PSTPIP1: variants seen among roughly 807,000 people sequenced by gnomAD.
PSTPIP1 encodes the protein proline-serine-threonine phosphatase-interacting protein 1.
A neutral mutation model predicts 69.6 loss-of-function variants in PSTPIP1; 66 were observed. The ratio of observed to expected loss-of-function variants is 0.95; its 90% CI spans 0.78 to 1.16. The LOEUF (loss-of-function observed/expected upper bound fraction) is 1.16, where lower values mean the gene tolerates loss of function less well. Ranked by LOEUF, PSTPIP1 falls within the 50% of genes most tolerant of loss-of-function variation. The pLI is 0.00. For missense variants in PSTPIP1, 603 were observed against 557.4 expected (o/e 1.08, Z -0.82); for synonymous variants, 266 against 222.7 (o/e 1.19, Z -1.73).
chr15:77,031,310 G>A, intron 10 of PSTPIP1, 32 bp downstream of exon 10: 1 of 1,602,746 alleles, frequency 6.2e-7, no homozygotes, highest in Non-Finnish European at 8.5e-7. Flanking sequence ...GTGGGGTAAG[G>A]TAGGGCAGCC....
intron 1 of PSTPIP1, among the ~76,000 whole-genome samples, chr15:76,997,828 A>G (rs539895526): frequency 2.9e-3 from 438 of 152,362 alleles, no homozygotes; most frequent in African/African-American, 0.01. Context: ...TACTCTGGCC[A>G]CAGGTGTTAT....
At chr15:77,036,060 C>A in intron 14 of PSTPIP1, 125 bp downstream of exon 14, 1 of 1,315,926 alleles carries the variant, frequency 7.6e-7, no homozygotes, top group Non-Finnish European at 1.0e-6. Flanking sequence ...GCATCCTCTC[C>A]TCCTCAGGAG....
chr15:77,037,318 G>GAACAGAACGCACTCCTTTA lies in PSTPIP1; in HGVS notation c.*142_*143insAACAGAACGCACTCCTTTA. 8.8e-7 allele frequency: 1 copy of GAACAGAACGCACTCCTTTA among 1,133,018 alleles called. No individual in the cohort carries two copies. Among genetic ancestry groups the GAACAGAACGCACTCCTTTA allele is most frequent in the Non-Finnish European group, 1.2e-6 (1 of 822,402 alleles). 70.2% of individuals were successfully genotyped at this position (1,133,018 alleles called of 1,614,324 possible). Reference sequence around the variant, plus strand: ...CTGTCGTCTCCCAGGGAATAAAGGAGTGCGTTCTGTTCTCCTTGGTGTGCT... The same window carrying GAACAGAACGCACTCCTTTA: ...CTGTCGTCTCCCAGGGAATAAAGGAGAACAGAACGCACTCCTTTATGCGTTCTGTTCTCCTTGGTGTGCT... On this transcript the variant is annotated 3_prime_UTR_variant, in exon 15 of 15. Transcript: ENST00000558012.
intron 1 of PSTPIP1, among the ~76,000 whole-genome samples, chr15:76,997,420 C>T (rs1489083416): frequency 6.6e-6 from 1 of 151,224 alleles, no homozygotes; most frequent in Non-Finnish European, 1.5e-5. Context: ...CTTCCTGATG[C>T]TCAGCCCATC....
At chr15:76,994,718 C>A, upstream of PSTPIP1, 2 of 1,277,130 alleles carry the variant, frequency 1.6e-6, no homozygotes, top group Non-Finnish European at 2.0e-6. Context: ...CAGAGCACAG[C>A]TGTGTCTGCT....
chr15:77,029,448 TGACA>T (rs896063814), intron 7 of PSTPIP1, 77 bp from the exon 8 acceptor site: 2 of 1,506,154 alleles, frequency 1.3e-6, no homozygotes, highest in African/African-American at 2.8e-5. Context: ...CGGGGAAGCT[TGACA>T]GTCACTTCAG....
chr15:77,037,003 G>C (rs1596145313), intron 14 of PSTPIP1, 42 bp from the exon 15 acceptor site: 1 of 1,598,828 alleles, frequency 6.3e-7, no homozygotes, highest in African/African-American at 1.4e-5. Flanking sequence ...GCCCTTCCCT[G>C]CAGGCCCTTC....
chr15:77,002,136 A>G (rs1439473399), intron 1 of PSTPIP1, among the ~76,000 whole-genome samples: 1 of 152,226 alleles, frequency 6.6e-6, no homozygotes, highest in Non-Finnish European at 1.5e-5. Context: ...TTCAGTCCAC[A>G]TGCCCCCAAA....
intron 3 of PSTPIP1, among the ~76,000 whole-genome samples, chr15:77,018,831 G>A (rs1208814553): frequency 6.6e-6 from 1 of 152,180 alleles, no homozygotes; most frequent in East Asian, 1.9e-4. Flanking sequence ...GTCCTGAGGG[G>A]CAGGTGACAG....
At position 77,037,121 on chromosome 15, in the gene PSTPIP1, T is replaced by C. The variant is rs1193580867; in HGVS notation, c.1196T>C (p.Val399Ala). The change falls in exon 15 of 15, where the codon GTG becomes GCG. Residue 399 changes from valine (V) to alanine (A), a missense_variant. Physicochemically the swap from Val to Ala is moderately conservative, Grantham distance 64. Transcript: ENST00000558012. ...ILEGEDGWWT[V>A]ERNGQRGFVP... The stretch of plus-strand genomic sequence containing the variant: ...GAAGGGGAGGATGGCTGGTGGACTG[T>C]GGAGAGGAACGGGCAGCGTGGCTTC... The C allele has an allele frequency of 1.9e-6, 3 of 1,612,268 alleles. No individual in the cohort carries two copies. The highest frequency in any genetic ancestry group is 2.2e-5 in the East Asian group (1 of 44,874).
At chr15:77,001,836 A>G (rs1195630450) in intron 1 of PSTPIP1, among the ~76,000 whole-genome samples, 1 of 152,200 alleles carries the variant, frequency 6.6e-6, no homozygotes, top group African/African-American at 2.4e-5. Flanking sequence ...CAGGGAGCTA[A>G]TTAAAGTGGT....
chr15:77,033,736 A>C (rs56274115), intron 12 of PSTPIP1, among the ~76,000 whole-genome samples: 3,010 of 152,260 alleles, frequency 0.02, 46 homozygotes, highest in Non-Finnish European at 0.03. Flanking sequence ...CCCAAGGACC[A>C]GCTCATTCCA....
chr15:76,996,782 G>A (rs2075590506), intron 1 of PSTPIP1, among the ~76,000 whole-genome samples: 2 of 152,252 alleles, frequency 1.3e-5, no homozygotes, highest in Admixed American at 1.3e-4. Context: ...CCAGCCCAGA[G>A]AAGCCAATGG....
upstream of PSTPIP1, chr15:76,994,920 T>A: frequency 7.9e-7 from 1 of 1,270,792 alleles, no homozygotes; most frequent in South Asian, 1.2e-5. Flanking sequence ...ACACCTGGGG[T>A]TCCTGGGCCC....
chr15:77,027,846 C>CT lies in PSTPIP1; in HGVS notation c.355-5dup. The CT allele has an allele frequency of 6.4e-7, 1 of 1,564,212 alleles. No individual in the cohort carries two copies. Among genetic ancestry groups the CT allele is most frequent in the Admixed American group, 1.9e-5 (1 of 52,710 alleles). On this transcript the variant is annotated splice_region_variant and splice_polypyrimidine_tract_variant and intron_variant, in intron 5 of 14. Coordinates refer to ENST00000558012, the MANE Select transcript of PSTPIP1 (RefSeq NM_003978.5). This position sits in a 1 kb window ranked among gnomAD's most constrained non-coding sequence, Gnocchi z 4.3. ...CCCTCGGCTCAGAACCTCGTGTCCC[C>CT]TGCAGTATGAGGCCGTCATGGACCG...
chr15:77,032,681 T>A, intron 11 of PSTPIP1, 181 bp from the exon 12 acceptor site: 1 of 635,104 alleles, frequency 1.6e-6, no homozygotes, highest in South Asian at 2.0e-5. Context: ...GGATCACGGG[T>A]CCAGAATATT....
intron 12 of PSTPIP1, among the ~76,000 whole-genome samples, chr15:77,034,093 G>T (rs2076493391): frequency 6.6e-6 from 1 of 152,170 alleles, no homozygotes; most frequent in Non-Finnish European, 1.5e-5. Context: ...TGCTGGAGGG[G>T]GCTGGTCAGG....
chr15:77,015,044 T>C (rs1246997875), intron 1 of PSTPIP1, among the ~76,000 whole-genome samples: 6 of 152,326 alleles, frequency 3.9e-5, no homozygotes, highest in African/African-American at 1.4e-4. Flanking sequence ...CCGTGACCAC[T>C]GGCTGTTCAT....
At position 77,027,959 on chromosome 15, in the gene PSTPIP1, C is replaced by T. The variant is rs1183770313; in HGVS notation, c.417+45C>T. ...GCCGCGGCCTTCCCTCGAGGAGCAG[C>T]GCAGGTCTCAGGGTGCGATCCTGGG... On this transcript the variant is annotated intron_variant, in intron 6 of 14. Transcript: ENST00000558012. This position sits in a 1 kb window ranked among gnomAD's most constrained non-coding sequence, Gnocchi z 4.3. The T allele has an allele frequency of 1.3e-6, 2 of 1,491,406 alleles. No individual in the cohort carries two copies. The highest frequency in any genetic ancestry group is 1.8e-6 in the Non-Finnish European group (2 of 1,094,060). 92.4% of individuals were successfully genotyped at this position (1,491,406 alleles called of 1,614,324 possible). A position where few individuals can be genotyped will look rare whatever the true frequency, so the allele number is the denominator to read the frequency against.
Sources: allele counts gnomAD v4.1 joint callset (sites outside exome capture counted in the v4.1 genomes callset), GRCh38; gene constraint gnomAD v4.1.1; non-coding constraint Gnocchi (gnomAD v3.1); transcripts MANE v1.5; gene names NCBI Gene and HGNC (gene_info 2026-07-23, HGNC 2026-07-21).